PIGK: variants seen among roughly 807,000 people sequenced by gnomAD.
The protein encoded by PIGK is phosphatidylinositol glycan anchor biosynthesis class K.
Under a neutral mutation model 50.6 loss-of-function variants are expected in PIGK, and 42 were observed. The observed-to-expected ratio is 0.83, with a 90% CI of 0.65 to 1.07. The LOEUF (loss-of-function observed/expected upper bound fraction) is 1.07. Ranked by LOEUF, PIGK falls within the 50% of genes least tolerant of loss-of-function variation. The pLI is 0.00. For missense variants in PIGK, 448 were observed against 488.7 expected, an observed-to-expected ratio of 0.92 and a Z score of 0.78; for synonymous variants, 151 against 156.0, an observed-to-expected ratio of 0.97 and a Z score of 0.24.
At chr1:77,139,228 G>A (rs1317241385) in intron 9 of PIGK, among the ~76,000 whole-genome samples, 1 of 151,958 alleles carries the variant, frequency 6.6e-6, no homozygotes, top group Non-Finnish European at 1.5e-5. Context: ...GCGTCTATGT[G>A]TTTTTTCCCA....
intron 8 of PIGK, among the ~76,000 whole-genome samples, chr1:77,158,123 G>C (rs1259046362): frequency 1.3e-5 from 2 of 152,048 alleles, no homozygotes; most frequent in Non-Finnish European, 2.9e-5. Flanking sequence ...TTCAAGTGAT[G>C]CTTCTGCCTC....
At chr1:77,212,298 G>A (rs1310626013) in intron 1 of PIGK, among the ~76,000 whole-genome samples, 2 of 152,090 alleles carry the variant, frequency 1.3e-5, no homozygotes, top group East Asian at 3.9e-4. Flanking sequence ...TACTTACTAG[G>A]TGTATAAACA....
At chr1:77,130,558 T>C (rs78475961) in intron 9 of PIGK, among the ~76,000 whole-genome samples, 3,496 of 152,218 alleles carry the variant, frequency 0.023, 71 homozygotes, top group Middle Eastern at 0.058. Flanking sequence ...ATATGTTGTA[T>C]ATTTATTTAC....
At chr1:77,177,962 A>G (rs1185597423) in intron 3 of PIGK, among the ~76,000 whole-genome samples, 1 of 152,200 alleles carries the variant, frequency 6.6e-6, no homozygotes, top group African/African-American at 2.4e-5. Flanking sequence ...TCTTTTCCCA[A>G]GATGACAGCT....
chr1:77,166,023 C>G (rs1401232056), intron 5 of PIGK, among the ~76,000 whole-genome samples: 13 of 151,984 alleles, frequency 8.6e-5, no homozygotes, highest in Admixed American at 8.5e-4. Context: ...TAAGCAAATG[C>G]AAGAGCTTAA....
At chr1:77,124,485 T>C (rs1654180808) in intron 9 of PIGK, among the ~76,000 whole-genome samples, 1 of 151,966 alleles carries the variant, frequency 6.6e-6, no homozygotes, top group Admixed American at 6.6e-5. Context: ...GGTGCGCACC[T>C]GTAGTCCCAG....
intron 1 of PIGK, among the ~76,000 whole-genome samples, chr1:77,215,874 TACGGAC>T (rs1656548407): frequency 6.6e-6 from 1 of 152,056 alleles, no homozygotes; most frequent in Non-Finnish European, 1.5e-5. Flanking sequence ...ATCACCCAGA[TACGGAC>T]ATTTTTAAAA....
At chr1:77,180,770 T>G (rs1655594034) in intron 3 of PIGK, among the ~76,000 whole-genome samples, 1 of 152,152 alleles carries the variant, frequency 6.6e-6, no homozygotes. Flanking sequence ...TGCATTCTTC[T>G]GAGTTTCTGA....
At chr1:77,158,006 T>C (rs996569086) in intron 8 of PIGK, among the ~76,000 whole-genome samples, 1 of 152,074 alleles carries the variant, frequency 6.6e-6, no homozygotes, top group Non-Finnish European at 1.5e-5. Flanking sequence ...CTCTTTTTTG[T>C]TATTTTTGTT....
At chr1:77,111,287 G>C (rs1287703219) in intron 10 of PIGK, among the ~76,000 whole-genome samples, 1 of 152,030 alleles carries the variant, frequency 6.6e-6, no homozygotes, top group Non-Finnish European at 1.5e-5. Context: ...AAATCATGCT[G>C]CTATAAAGAC....
At chr1:77,116,576 G>GTGTGTT (rs1553180518) in intron 10 of PIGK, among the ~76,000 whole-genome samples, 3 of 120,090 alleles carry the variant, frequency 2.5e-5, no homozygotes, top group African/African-American at 1.3e-4. Flanking sequence ...GTGTGTGTGT[G>GTGTGTT]TGTGTGTGTG....
At chr1:77,211,843 A>T (rs535805729) in intron 1 of PIGK, among the ~76,000 whole-genome samples, 245 of 147,266 alleles carry the variant, frequency 1.7e-3, no homozygotes, top group Middle Eastern at 3.6e-3. Flanking sequence ...ATTGAAAGAG[A>T]GAGGGGCCTG....
intron 1 of PIGK, among the ~76,000 whole-genome samples, chr1:77,218,628 G>A (rs1656642279): frequency 1.3e-5 from 2 of 152,072 alleles, no homozygotes; most frequent in South Asian, 2.1e-4. Flanking sequence ...TGACTATCCC[G>A]GATTCTTAGT....
intron 10 of PIGK, among the ~76,000 whole-genome samples, chr1:77,114,064 C>A (rs891361944): frequency 6.6e-6 from 1 of 152,092 alleles, no homozygotes; most frequent in African/African-American, 2.4e-5. Context: ...ATTTATTCTT[C>A]CAAAATACAT....
At chr1:77,184,938 T>G (rs1655704760) in intron 3 of PIGK, among the ~76,000 whole-genome samples, 1 of 152,294 alleles carries the variant, frequency 6.6e-6, no homozygotes, top group Admixed American at 6.5e-5. Context: ...GCAGGGGTGG[T>G]GAGTCCTACC....
chr1:77,209,395 A>C (rs778734587), intron 2 of PIGK, among the ~76,000 whole-genome samples: 1 of 152,150 alleles, frequency 6.6e-6, no homozygotes, highest in South Asian at 2.1e-4. Context: ...AGAAGAAAAA[A>C]AAAGGGCCAA....
chr1:77,117,771 G>T (rs1468413730), intron 10 of PIGK, among the ~76,000 whole-genome samples: 2 of 152,024 alleles, frequency 1.3e-5, no homozygotes, highest in Admixed American at 6.6e-5. Flanking sequence ...GTCTTTTGGG[G>T]TTTATCTATT....
At chr1:77,211,787 G>C (rs1200663895) in intron 1 of PIGK, among the ~76,000 whole-genome samples, 2 of 148,810 alleles carry the variant, frequency 1.3e-5, no homozygotes, top group African/African-American at 5.0e-5. Flanking sequence ...CATAAAGATT[G>C]CTGAGGTTTC....
At chr1:77,106,522 A>T (rs1427895327) in intron 10 of PIGK, among the ~76,000 whole-genome samples, 1 of 152,198 alleles carries the variant, frequency 6.6e-6, no homozygotes, top group Non-Finnish European at 1.5e-5. Flanking sequence ...AGTCATGGTA[A>T]TCATACAAAT....
Sources: gnomAD v4.1 joint callset for allele counts (sites outside exome capture counted in the v4.1 genomes callset) on GRCh38, gnomAD v4.1.1 for gene constraint, MANE v1.5 for transcripts, NCBI Gene and HGNC (gene_info 2026-07-23, HGNC 2026-07-21) for gene names.